CFHR3: variants seen among roughly 807,000 people sequenced by gnomAD.
The protein encoded by CFHR3 is complement factor H-related protein 3.
In CFHR3, 22 loss-of-function variants were observed where a neutral mutation model predicts 36.0. That is an observed-to-expected ratio of 0.61 (90% confidence interval 0.44 to 0.87). The LOEUF (loss-of-function observed/expected upper bound fraction) is 0.87, where lower values mean the gene tolerates loss of function less well. Ranked by LOEUF, CFHR3 falls within the 40% of genes least tolerant of loss-of-function variation. The pLI, the probability that CFHR3 is intolerant of heterozygous loss-of-function variation, is 0.00. For synonymous variants in CFHR3, 97 were observed against 137.4 expected, an observed-to-expected ratio of 0.71 and a Z score of 2.06; for missense variants, 276 against 401.3, an observed-to-expected ratio of 0.69 and a Z score of 2.67.
intron 3 of CFHR3, among the ~76,000 whole-genome samples, chr1:196,783,853 T>C: frequency 7.4e-6 from 1 of 135,926 alleles, no homozygotes; most frequent in Non-Finnish European, 1.6e-5. Context: ...TAGCTTTGAA[T>C]GTGTTTGCTC....
At position 196,790,142 on chromosome 1, in the gene CFHR3, C is replaced by T; in HGVS notation, c.711C>T (p.Tyr237=). Residue 237 remains tyrosine (Y), a synonymous_variant, in exon 5 of 6, where the codon TAC becomes TAT. Coordinates refer to ENST00000367425, the MANE Select transcript of CFHR3 (RefSeq NM_021023.6). ...KVYVPQSRVE[Y]QCQPYYELQG... The stretch of plus-strand genomic sequence containing the variant: ...ATGTGCCACAGTCAAGAGTCGAGTA[C>T]CAATGCCAGCCCTACTATGAACTTC... The T allele has an allele frequency of 7.3e-7, 1 of 1,374,250 alleles. No homozygotes were observed. The highest frequency in any genetic ancestry group is 9.7e-7 in the Non-Finnish European group (1 of 1,030,860). The allele number at this position is 1,374,250 out of a possible 1,614,324, so 85.1% of individuals were successfully genotyped here.
At chr1:196,776,862 C>A (rs1244393178) in intron 1 of CFHR3, among the ~76,000 whole-genome samples, 1 of 135,294 alleles carries the variant, frequency 7.4e-6, no homozygotes, top group Admixed American at 7.1e-5. Flanking sequence ...CCCACCAACA[C>A]AGATTTTAGA....
rs191977702 is a variant in CFHR3, at chr1:196,783,589, G to A, written c.430+3616G>A. Among the ~76,000 whole-genome samples the A allele has an allele frequency of 6.7e-3, 874 of 131,300 alleles. 146 individuals carry two copies. Among genetic ancestry groups the A allele is most frequent in the East Asian group, 0.022 (110 of 4,992 alleles). 86.1% of individuals were successfully genotyped at this position (131,300 alleles called of 152,430 possible). ...CTTCTAGATTTTCTAGTTTATTTGCGCAGAGGTGTTTGTAGTATTCTCTGA... is the reference window on the plus strand; with the variant it reads ...CTTCTAGATTTTCTAGTTTATTTGCACAGAGGTGTTTGTAGTATTCTCTGA... On this transcript the variant is annotated intron_variant, in intron 3 of 5. Coordinates refer to ENST00000367425, the MANE Select transcript of CFHR3 (RefSeq NM_021023.6).
chr1:196,783,446 G>A (rs1306134859), intron 3 of CFHR3, among the ~76,000 whole-genome samples: 1 of 131,796 alleles, frequency 7.6e-6, no homozygotes, highest in Non-Finnish European at 1.6e-5. Flanking sequence ...ACTCTTTTTG[G>A]TTGGTAAGCT....
intron 4 of CFHR3, chr1:196,789,252 C>G: frequency 1.3e-6 from 1 of 799,442 alleles, no homozygotes; most frequent in Non-Finnish European, 1.5e-6. Flanking sequence ...AATATGGAAC[C>G]TTGATACATA....
intron 3 of CFHR3, among the ~76,000 whole-genome samples, chr1:196,784,808 A>G (rs1654122403): frequency 7.4e-6 from 1 of 134,248 alleles, no homozygotes; most frequent in Admixed American, 7.2e-5. Flanking sequence ...TTTACATTTA[A>G]AGTTAATATT....
intron 1 of CFHR3, among the ~76,000 whole-genome samples, chr1:196,778,804 T>C (rs1653832793): frequency 7.3e-6 from 1 of 136,886 alleles, no homozygotes; most frequent in Admixed American, 7.1e-5. Flanking sequence ...CATAACTTGG[T>C]ATAGTTCTAG....
At position 196,786,624 on chromosome 1, in the gene CFHR3, T is replaced by A. The variant is rs1415977747; in HGVS notation, c.431-1592T>A. Reference sequence around the variant, plus strand: ...CCTCTGAGCCAGGTGAGCGATATAATCTCCTGGTGTGCCGTTTTTTAAGCC... The same window carrying A: ...CCTCTGAGCCAGGTGAGCGATATAAACTCCTGGTGTGCCGTTTTTTAAGCC... On this transcript the variant is annotated intron_variant, in intron 3 of 5. Transcript: ENST00000367425. 1.1e-4 allele frequency among the ~76,000 whole-genome samples: 15 copies of A among 136,322 alleles called. 2 individuals carry two copies. Among genetic ancestry groups the A allele is most frequent in the Admixed American group, 8.5e-4 (12 of 14,164 alleles). The allele number at this position is 136,322 out of a possible 152,430, so 89.4% of individuals were successfully genotyped here. A position where few individuals can be genotyped will look rare whatever the true frequency, so the allele number is the denominator to read the frequency against.
chr1:196,781,383 T>C (rs1427290837), intron 3 of CFHR3, among the ~76,000 whole-genome samples: 2 of 135,650 alleles, frequency 1.5e-5, no homozygotes, highest in African/African-American at 6.2e-5. Context: ...CCACACTGTC[T>C]TCCACAATGG....
intron 4 of CFHR3, chr1:196,789,158 A>G: frequency 1.0e-6 from 1 of 970,414 alleles, no homozygotes; most frequent in South Asian, 3.7e-5. Context: ...TGTATTTTTA[A>G]CCCAAATACT....
chr1:196,792,737 T>G (rs77435319), intron 5 of CFHR3, among the ~76,000 whole-genome samples: 3 of 132,480 alleles, frequency 2.3e-5, no homozygotes, highest in African/African-American at 9.8e-5. Flanking sequence ...ATAGATGATG[T>G]TGATAGAGAG....
intron 3 of CFHR3, among the ~76,000 whole-genome samples, chr1:196,782,835 A>G (rs916924800): frequency 7.3e-6 from 1 of 137,006 alleles, no homozygotes; most frequent in African/African-American, 3.1e-5. Context: ...AACTTCCAAC[A>G]CTATGTTGAA....
intron 3 of CFHR3, among the ~76,000 whole-genome samples, chr1:196,781,834 T>G (rs1313358758): frequency 7.4e-6 from 1 of 135,938 alleles, no homozygotes; most frequent in African/African-American, 3.1e-5. Context: ...ATTTTGGCTT[T>G]TGTTGCCATT....
At chr1:196,789,429 A>G in intron 4 of CFHR3, 1 of 917,828 alleles carries the variant, frequency 1.1e-6, no homozygotes, top group Non-Finnish European at 1.3e-6. Flanking sequence ...GTGTAAAGAA[A>G]AAGGTGTATA....
rs759525253 is a variant in CFHR3 at position 196,794,739 on chromosome 1, A to G, written c.*1226A>G. ...TGTTAACAAATTGAAATCTCTATTC[A>G]CTTTAATAGATTTTTACCCCCAGTT... On this transcript the variant is annotated 3_prime_UTR_variant, in exon 6 of 6. Transcript: ENST00000367425. 36 of 287,222 alleles carry G rather than the reference A, an allele frequency of 1.3e-4. 3 individuals are homozygous for G. Among genetic ancestry groups the G allele is most frequent in the Non-Finnish European group, 2.0e-4 (30 of 147,702 alleles). The allele number at this position is 287,222 out of a possible 1,614,324, so 17.8% of individuals were successfully genotyped here. A position where few individuals can be genotyped will look rare whatever the true frequency, so the allele number is the denominator to read the frequency against.
intron 3 of CFHR3, among the ~76,000 whole-genome samples, chr1:196,783,873 T>C (rs1654074495): frequency 7.4e-6 from 1 of 135,620 alleles, no homozygotes; most frequent in Non-Finnish European, 1.6e-5. Context: ...CTTGCTTTTC[T>C]AGTTCTTTTA....
intron 2 of CFHR3, 21 bp from the exon 3 acceptor site, chr1:196,779,776 T>A (rs1489014562): frequency 6.7e-7 from 1 of 1,492,882 alleles, no homozygotes; most frequent in African/African-American, 1.7e-5. Context: ...CTTTATTTAT[T>A]TATCATTGCT....
rs1220680042 is a variant in CFHR3 at position 196,778,031 on chromosome 1, C to G, written c.59-1131C>G. 1.5e-5 allele frequency among the ~76,000 whole-genome samples: 2 copies of G among 132,040 alleles called. 1 individual carries two copies. The highest frequency in any genetic ancestry group is 3.2e-5 in the Non-Finnish European group (2 of 63,094). The allele number at this position is 132,040 out of a possible 152,430, so 86.6% of individuals were successfully genotyped here. A position where few individuals can be genotyped will look rare whatever the true frequency, so the allele number is the denominator to read the frequency against. ...AAGAAAGAAAAATTAAAATGATTTC[C>G]TTTAATATATGTCCCTTTCTTCTTC... is the stretch of plus-strand genomic sequence containing the variant. On this transcript the variant is annotated intron_variant, in intron 1 of 5. Transcript: ENST00000367425.
intron 3 of CFHR3, among the ~76,000 whole-genome samples, chr1:196,784,804 T>G (rs541052311): frequency 1.5e-5 from 2 of 135,950 alleles, no homozygotes; most frequent in South Asian, 5.3e-4. Context: ...TCCATTTACA[T>G]TTAAAGTTAA....
Sources: gnomAD v4.1 joint callset for allele counts (sites outside exome capture counted in the v4.1 genomes callset) on GRCh38, gnomAD v4.1.1 for gene constraint, MANE v1.5 for transcripts, NCBI Gene and HGNC (gene_info 2026-07-23, HGNC 2026-07-21) for gene names.